RYR3: variants seen among roughly 807,000 people sequenced by gnomAD.
RYR3 encodes the protein ryanodine receptor 3, also known as brain ryanodine receptor-calcium release channel.
A neutral mutation model predicts 584.3 loss-of-function variants in RYR3; 207 were observed. That is an observed-to-expected ratio of 0.35 (90% confidence interval 0.32 to 0.40). The LOEUF is 0.40. Among genes scored for constraint, RYR3 ranks in the 10% least tolerant of loss-of-function variants. The probability of loss-of-function intolerance (pLI) is 1.00; values close to 1 mark genes in which losing one functional copy is unlikely to be tolerated. For synonymous variants in RYR3, 2,416 were observed against 2,248.5 expected, an observed-to-expected ratio of 1.07 and a Z score of -2.11; for missense variants, 5,616 against 6,089.2, an observed-to-expected ratio of 0.92 and a Z score of 2.59.
chr15:33,623,912 G>T lies in RYR3; in HGVS notation c.2463G>T (p.Leu821Phe). The change falls in exon 20 of 104, where the codon TTG becomes TTT. Residue 821 changes from leucine (L) to phenylalanine (F), a missense_variant. Leu to Phe is a conservative substitution (Grantham distance 22). This residue lies in a region of RYR3 where 1,284 missense variants were observed against 1,344.6 expected (regional missense o/e 0.95). Coordinates refer to ENST00000634891, the MANE Select transcript of RYR3 (RefSeq NM_001036.6). ...EALLPKEKMR[L>F]EPVKEYKRDA... ...TACTTCCAAAAGAGAAGATGAGATTGGAGCCTGTCAAAGAATATAAACGTG... is the reference window on the plus strand; with the variant it reads ...TACTTCCAAAAGAGAAGATGAGATTTGAGCCTGTCAAAGAATATAAACGTG... 1.2e-6 allele frequency: 2 copies of T among 1,613,792 alleles called. No individual in the cohort carries two copies. The highest frequency in any genetic ancestry group is 1.7e-6 in the Non-Finnish European group (2 of 1,179,714).
intron 99 of RYR3, 59 bp downstream of exon 99, chr15:33,857,973 A>C: frequency 1.2e-6 from 2 of 1,602,088 alleles, no homozygotes; most frequent in Non-Finnish European, 8.5e-7. Context: ...CCGCCCCACC[A>C]CCTCACTGGG....
intron 29 of RYR3, 54 bp from the exon 30 acceptor site, chr15:33,647,370 T>C: frequency 6.9e-7 from 1 of 1,448,164 alleles, no homozygotes; most frequent in Non-Finnish European, 9.7e-7. Context: ...CTGTCGGAAC[T>C]GTGGGATTCT....
At position 33,658,047 on chromosome 15, in the gene RYR3, A is replaced by G. The variant is rs548270920; in HGVS notation, c.4309-1673A>G. Among the ~76,000 whole-genome samples the G allele has an allele frequency of 3.9e-5, 6 of 152,368 alleles. No homozygotes were observed. The East Asian group carries it at 1.2e-3, about 29-fold the overall frequency. ...CACTATACTCATTCTCTGTTGTCAC[A>G]TTACAAATTACAAATTTAGCGGCTT... is the stretch of plus-strand genomic sequence containing the variant. On this transcript the variant is annotated intron_variant, in intron 32 of 103. Transcript: ENST00000634891.
chr15:33,717,361 G>A (rs1050980038), intron 43 of RYR3, among the ~76,000 whole-genome samples: 10 of 152,200 alleles, frequency 6.6e-5, no homozygotes, highest in African/African-American at 1.4e-4. Flanking sequence ...GTTCTTCCCC[G>A]AGGATTCTCC....
intron 85 of RYR3, among the ~76,000 whole-genome samples, chr15:33,830,448 A>ACC (rs2077608171): frequency 6.6e-6 from 1 of 152,238 alleles, no homozygotes; most frequent in African/African-American, 2.4e-5. Context: ...TGCACACTTA[A>ACC]TAGACTACAG....
chr15:33,332,651 G>GA (rs1419441262), intron 1 of RYR3, among the ~76,000 whole-genome samples: 1 of 151,816 alleles, frequency 6.6e-6, no homozygotes, highest in Non-Finnish European at 1.5e-5. Context: ...AAGATACCTT[G>GA]AAAAAAACCT....
rs143984944 is a variant in RYR3, at chr15:33,596,996, A to G, written c.1789-4423A>G. 7.2e-3 allele frequency among the ~76,000 whole-genome samples: 1,097 copies of G among 152,340 alleles called. 8 individuals carry two copies. Among genetic ancestry groups the G allele is most frequent in the African/African-American group, 0.025 (1,034 of 41,574 alleles). ...ACAATAACAGTTCTTTCCCAAAACA[A>G]ACCTCCTTATTGCCTGTGGACTAGA... On this transcript the variant is annotated intron_variant, in intron 16 of 103. Coordinates refer to ENST00000634891, the MANE Select transcript of RYR3 (RefSeq NM_001036.6).
In RYR3 at chr15:33,771,996, G is replaced by A. The variant is rs2073611284; in HGVS notation, c.8893G>A (p.Glu2965Lys). The A allele has an allele frequency of 6.2e-7, 1 of 1,613,718 alleles. No individual in the cohort carries two copies. Among genetic ancestry groups the A allele is most frequent in the South Asian group, 1.1e-5 (1 of 90,936 alleles). ...CTTTGAAAATGCTGCAGAAGATTTG[G>A]AGAAGACTTCAGAAAACCTGAAACT... Reference protein sequence around the residue: ...AFFENAAEDLEKTSENLKLGK... With the variant: ...AFFENAAEDLKKTSENLKLGK... Residue 2965 changes from glutamate to lysine, a missense_variant, in exon 63 of 104, where the codon GAG becomes AAG. By Grantham distance (56) the Glu-to-Lys change is moderately conservative. Transcript: ENST00000634891.
chr15:33,477,369 A>C (rs1030320155), intron 2 of RYR3, among the ~76,000 whole-genome samples: 1 of 152,154 alleles, frequency 6.6e-6, no homozygotes, highest in African/African-American at 2.4e-5. Flanking sequence ...AATAAAGGGC[A>C]TGAGTATAAT....
chr15:33,786,009 C>T (rs2074686103), intron 66 of RYR3, 27 bp downstream of exon 66: 2 of 1,493,986 alleles, frequency 1.3e-6, no homozygotes, highest in Non-Finnish European at 1.8e-6. Flanking sequence ...CCCCAGTCCC[C>T]AGCCCAGGGG....
At chr15:33,513,448 G>C (rs1300728616) in intron 3 of RYR3, among the ~76,000 whole-genome samples, 1 of 152,220 alleles carries the variant, frequency 6.6e-6, no homozygotes, top group Non-Finnish European at 1.5e-5. Context: ...CTAAAATGAT[G>C]ACGTGGAATC....
chr15:33,810,238 T>G (rs2076448100), intron 70 of RYR3, among the ~76,000 whole-genome samples: 1 of 152,208 alleles, frequency 6.6e-6, no homozygotes, highest in Non-Finnish European at 1.5e-5. Flanking sequence ...GTCGGTGATG[T>G]GTGTTTAGTT....
At chr15:33,683,875 C>T (rs1400404963) in intron 38 of RYR3, among the ~76,000 whole-genome samples, 4 of 152,278 alleles carry the variant, frequency 2.6e-5, no homozygotes, top group Non-Finnish European at 5.9e-5. Context: ...CGGAGCCTTG[C>T]TCACTGCTGG....
intron 38 of RYR3, among the ~76,000 whole-genome samples, chr15:33,677,079 G>A (rs1232865260): frequency 6.6e-6 from 1 of 152,130 alleles, no homozygotes; most frequent in Non-Finnish European, 1.5e-5. Flanking sequence ...TTATGCACTA[G>A]GCAACTAAGC....
chr15:33,779,053 A>C (rs1427255176), intron 64 of RYR3, among the ~76,000 whole-genome samples: 1 of 152,210 alleles, frequency 6.6e-6, no homozygotes, highest in Non-Finnish European at 1.5e-5. Context: ...GAAGGAATGC[A>C]CAGCTTTCTG....
In RYR3 at chr15:33,657,393, A is replaced by G. The variant is rs77766243; in HGVS notation, c.4309-2327A>G. ...TCTCTCTCCCTGTTAGCAGAAACGCATGGGCTTCCTACTGGTCCAGATGAA... is the reference window on the plus strand; with the variant it reads ...TCTCTCTCCCTGTTAGCAGAAACGCGTGGGCTTCCTACTGGTCCAGATGAA... On this transcript the variant is annotated intron_variant, in intron 32 of 103. Transcript: ENST00000634891. 6.5e-3 allele frequency among the ~76,000 whole-genome samples: 997 copies of G among 152,344 alleles called. 11 individuals are homozygous for G. The highest frequency in any genetic ancestry group is 0.022 in the African/African-American group (917 of 41,578).
chr15:33,547,093 G>A (rs1024813489), intron 8 of RYR3, among the ~76,000 whole-genome samples: 1 of 152,128 alleles, frequency 6.6e-6, no homozygotes, highest in Non-Finnish European at 1.5e-5. Context: ...ATAATGTGGA[G>A]CAACCTGCCC....
chr15:33,484,689 G>T (rs1596327204), intron 2 of RYR3, among the ~76,000 whole-genome samples: 1 of 152,286 alleles, frequency 6.6e-6, no homozygotes, highest in Non-Finnish European at 1.5e-5. Context: ...TGATGCTAGA[G>T]TTATAGGTTT....
At chr15:33,630,640 T>A (rs991951694) in intron 22 of RYR3, among the ~76,000 whole-genome samples, 4 of 152,244 alleles carry the variant, frequency 2.6e-5, no homozygotes, top group African/African-American at 9.6e-5. Flanking sequence ...TACCTTCAAT[T>A]ACACTGGCAC....
Sources: gnomAD v4.1 joint callset for allele counts (sites outside exome capture counted in the v4.1 genomes callset) on GRCh38, gnomAD v4.1.1 for gene constraint, gnomAD v4.1.1 regional missense constraint, MANE v1.5 for transcripts, NCBI Gene and HGNC (gene_info 2026-07-23, HGNC 2026-07-21) for gene names.